Variants in SEMA6D observed in about 807,000 individuals in gnomAD.
SEMA6D encodes the protein semaphorin 6D.
A neutral mutation model predicts 106.6 loss-of-function variants in SEMA6D; 35 were observed. That is an observed-to-expected ratio of 0.33 (90% CI 0.25 to 0.44). The LOEUF is 0.44. Among genes scored for constraint, SEMA6D ranks in the 20% least tolerant of loss-of-function variants. SEMA6D has a pLI of 1.00. For synonymous variants in SEMA6D, 499 were observed against 487.7 expected (o/e 1.02, Z -0.31); for missense variants, 1,185 against 1,345.9 (o/e 0.88, Z 1.87).
At chr15:47,323,235 C>T (rs1595731287) in intron 1 of SEMA6D, among the ~76,000 whole-genome samples, 3 of 152,146 alleles carry the variant, frequency 2.0e-5, no homozygotes, top group African/African-American at 7.2e-5. Flanking sequence ...TGACTCCCAC[C>T]ACCCACAGCT....
intron 1 of SEMA6D, among the ~76,000 whole-genome samples, chr15:47,370,592 C>G (rs549767418): frequency 1.1e-3 from 170 of 149,132 alleles, no homozygotes; most frequent in African/African-American, 4.1e-3. Context: ...CGCCTGTAAT[C>G]CTAGCATTTT....
chr15:47,705,505 T>G (rs1421728235), intron 4 of SEMA6D, among the ~76,000 whole-genome samples: 1 of 152,230 alleles, frequency 6.6e-6, no homozygotes, highest in African/African-American at 2.4e-5. Flanking sequence ...TACTTACCCT[T>G]GTAAAATAAT....
rs532093230 is a variant in SEMA6D, at chr15:47,242,249, G to A, written c.-239+57831G>A. Among the ~76,000 whole-genome samples, 13 of 152,204 alleles carry A rather than the reference G, an allele frequency of 8.5e-5. No individual in the cohort carries two copies. The East Asian group carries it at 2.5e-3, about 29-fold the overall frequency. On this transcript the variant is annotated intron_variant, in intron 1 of 19. Transcript: ENST00000558014. ...GTAATTGCGGTTTTTGCCGTTAAAA[G>A]TAATGGCAAAAATCACTATTACTTT...
intron 2 of SEMA6D, among the ~76,000 whole-genome samples, chr15:47,468,872 C>T (rs1407490979): frequency 6.6e-6 from 1 of 152,150 alleles, no homozygotes; most frequent in Non-Finnish European, 1.5e-5. Flanking sequence ...ACTAGGAAGC[C>T]ATTCAGAATG....
intron 1 of SEMA6D, among the ~76,000 whole-genome samples, chr15:47,754,201 A>G (rs1010145037): frequency 3.3e-5 from 5 of 152,296 alleles, no homozygotes; most frequent in Middle Eastern, 3.4e-3. Context: ...AGACCAGCCT[A>G]GGCGACATAG....
chr15:47,478,139 A>G (rs2043050820), intron 3 of SEMA6D, among the ~76,000 whole-genome samples: 1 of 151,662 alleles, frequency 6.6e-6, no homozygotes, highest in Non-Finnish European at 1.5e-5. Context: ...ACCACTATAG[A>G]GGGAATGCTG....
At chr15:47,196,272 A>G (rs76128746) in intron 1 of SEMA6D, among the ~76,000 whole-genome samples, 6,967 of 152,146 alleles carry the variant, frequency 0.046, 550 homozygotes, top group African/African-American at 0.16. Flanking sequence ...TGCCCTGGGA[A>G]TGATTAATGG....
intron 1 of SEMA6D, among the ~76,000 whole-genome samples, chr15:47,363,548 A>G (rs2038892997): frequency 6.6e-6 from 1 of 152,180 alleles, no homozygotes; most frequent in Non-Finnish European, 1.5e-5. Flanking sequence ...TCCCAGAAAA[A>G]CAAAACAAAA....
At chr15:47,467,781 G>T (rs1380495828) in intron 2 of SEMA6D, among the ~76,000 whole-genome samples, 1 of 152,038 alleles carries the variant, frequency 6.6e-6, no homozygotes, top group Non-Finnish European at 1.5e-5. Context: ...ATTTCTGTAA[G>T]ACCTACACCG....
chr15:47,184,832 T>C (rs1893436733), intron 1 of SEMA6D, among the ~76,000 whole-genome samples: 1 of 152,222 alleles, frequency 6.6e-6, no homozygotes, highest in African/African-American at 2.4e-5. Context: ...CTGGGCGAGT[T>C]GGATCCGGGT....
rs900808836 is a variant in SEMA6D at position 47,694,432 on chromosome 15, C to T, written c.-54-65313C>T. ...ACCCCAATTTGAGAACTTAAGACTC[C>T]TCGCCTTCACCTCCAACCCACCAAA... On this transcript the variant is annotated intron_variant, in intron 4 of 19. Transcript: ENST00000558014. Among the ~76,000 whole-genome samples, 4 of 152,036 alleles carry T rather than the reference C, an allele frequency of 2.6e-5. No homozygotes were observed. The South Asian group carries it at 6.2e-4, about 24-fold the overall frequency.
At chr15:47,187,742 C>A (rs982009465) in intron 1 of SEMA6D, among the ~76,000 whole-genome samples, 3 of 151,924 alleles carry the variant, frequency 2.0e-5, no homozygotes, top group African/African-American at 7.3e-5. Context: ...TCTCCTATGT[C>A]ATAAATTTAT....
intron 2 of SEMA6D, among the ~76,000 whole-genome samples, chr15:47,465,096 G>A (rs1215670920): frequency 6.6e-6 from 1 of 152,150 alleles, no homozygotes; most frequent in Non-Finnish European, 1.5e-5. Flanking sequence ...AATGTGCCTT[G>A]CACAGCACCT....
rs543109543 is a variant in SEMA6D at position 47,768,854 on chromosome 15, C to T, written c.1933+106C>T. On this transcript the variant is annotated intron_variant, in intron 18 of 18. Transcript: ENST00000536845. ...GAGGTGGGCCTCACAGGAGCTTCTG[C>T]GGTTGTACCTCCACCGCCCCTTGCC... The T allele has an allele frequency of 7.6e-5, 79 of 1,045,998 alleles. No individual in the cohort carries two copies. In the East Asian group the frequency reaches 1.2e-3, roughly 16 times the overall value. The allele number at this position is 1,045,998 out of a possible 1,614,324, so 64.8% of individuals were successfully genotyped here.
intron 1 of SEMA6D, among the ~76,000 whole-genome samples, chr15:47,351,243 C>T (rs1359730186): frequency 1.3e-5 from 2 of 152,092 alleles, no homozygotes; most frequent in Non-Finnish European, 1.5e-5. Context: ...GTAAGTATGC[C>T]ATGATCATCT....
At chr15:47,327,112 G>A (rs551677466) in intron 1 of SEMA6D, among the ~76,000 whole-genome samples, 10 of 152,246 alleles carry the variant, frequency 6.6e-5, no homozygotes, top group African/African-American at 2.4e-4. Flanking sequence ...CCCTGCTCAG[G>A]CCTTGGCATC....
intron 2 of SEMA6D, among the ~76,000 whole-genome samples, chr15:47,418,615 C>G (rs2041055155): frequency 6.6e-6 from 1 of 152,084 alleles, no homozygotes; most frequent in Admixed American, 6.6e-5. Flanking sequence ...TTGATACCAT[C>G]ACCTAAAGGG....
intron 1 of SEMA6D, among the ~76,000 whole-genome samples, chr15:47,251,193 A>G (rs902323323): frequency 1.3e-5 from 2 of 152,206 alleles, no homozygotes; most frequent in Non-Finnish European, 2.9e-5. Context: ...GACTATAGCA[A>G]TTCACAATTC....
intron 1 of SEMA6D, among the ~76,000 whole-genome samples, chr15:47,233,318 C>T (rs201059922): frequency 6.6e-6 from 1 of 152,078 alleles, no homozygotes; most frequent in East Asian, 1.9e-4. Context: ...GCCTATATCA[C>T]AGTATTTTGA....
Sources: gnomAD v4.1 joint callset for allele counts (sites outside exome capture counted in the v4.1 genomes callset) on GRCh38, gnomAD v4.1.1 for gene constraint, MANE v1.5 for transcripts, NCBI Gene and HGNC (gene_info 2026-07-23, HGNC 2026-07-21) for gene names.